GLI3: variants seen among roughly 807,000 people sequenced by gnomAD.
GLI3 encodes the protein GLI family zinc finger 3.
A neutral mutation model predicts 100.8 loss-of-function variants in GLI3; 20 were observed. The observed-to-expected ratio is 0.20, with a 90% CI of 0.14 to 0.29. The LOEUF is 0.29. Among genes scored for constraint, GLI3 ranks in the 10% least tolerant of loss-of-function variants. The pLI is 1.00. For missense variants in GLI3, 2,040 were observed against 2,128.5 expected, an observed-to-expected ratio of 0.96 and a Z score of 0.82; for synonymous variants, 938 against 860.5, an observed-to-expected ratio of 1.09 and a Z score of -1.58.
chr7:42,140,177 G>A (rs544431265), intron 3 of GLI3, among the ~76,000 whole-genome samples: 1 of 152,278 alleles, frequency 6.6e-6, no homozygotes, highest in African/African-American at 2.4e-5. Context: ...GACTGCCAAG[G>A]CTGGGTAAGT....
At chr7:42,259,531 T>C (rs922546769) in intron 1 of GLI3, among the ~76,000 whole-genome samples, 3 of 152,246 alleles carry the variant, frequency 2.0e-5, no homozygotes, top group African/African-American at 4.8e-5. Flanking sequence ...CATAAAGCAC[T>C]AGTACAGTGC....
intron 2 of GLI3, among the ~76,000 whole-genome samples, chr7:42,179,705 G>T (rs1325095253): frequency 1.3e-5 from 2 of 152,072 alleles, no homozygotes; most frequent in Non-Finnish European, 2.9e-5. Flanking sequence ...AAGGGGGTAT[G>T]GGTGTGTGTA....
chr7:42,185,642 G>A (rs1787703242), intron 2 of GLI3, among the ~76,000 whole-genome samples: 2 of 152,182 alleles, frequency 1.3e-5, no homozygotes, highest in Admixed American at 1.3e-4. Flanking sequence ...AGCTTCCCTT[G>A]TGCACTCCTA....
rs776751129 is a variant in GLI3, at chr7:41,964,545, T to C, written c.4528A>G (p.Ile1510Val). The C allele has an allele frequency of 3.1e-6, 5 of 1,613,468 alleles. No homozygotes were observed. In the South Asian group the frequency reaches 3.3e-5, roughly 11 times the overall value. Residue 1510 changes from isoleucine (I) to valine (V), a missense_variant, in exon 15 of 15, where the codon ATA becomes GTA. By Grantham distance (29) the Ile-to-Val change is conservative. Around this residue, in one of 5 missense-constraint regions of GLI3, gnomAD observed 1,041 missense variants for 924.0 expected, o/e 1.13. Transcript: ENST00000395925. ...AGGCTGGAGTGGTCCCCATCGTCTA[T>C]GATGGCATCGAAGTCAATCTGTACC... ...EGVQIDFDAI[I>V]DDGDHSSLMS...
chr7:42,086,628 G>A (rs1393698941), intron 3 of GLI3, among the ~76,000 whole-genome samples: 1 of 151,926 alleles, frequency 6.6e-6, no homozygotes, highest in African/African-American at 2.4e-5. Context: ...TGTCCCCTCA[G>A]TTGAGGACAA....
chr7:42,149,364 G>T (rs980946248), intron 2 of GLI3, among the ~76,000 whole-genome samples: 2 of 152,150 alleles, frequency 1.3e-5, no homozygotes, highest in Non-Finnish European at 2.9e-5. Flanking sequence ...AGTTCCCTTC[G>T]ATCAGTAAGA....
chr7:42,223,388 C>T, intron 1 of GLI3, 93 bp from the exon 2 acceptor site: 1 of 716,374 alleles, frequency 1.4e-6, no homozygotes, highest in Non-Finnish European at 2.3e-6. Flanking sequence ...CTGAGAAAAG[C>T]CTAGAGCTTT....
intron 10 of GLI3, among the ~76,000 whole-genome samples, chr7:42,018,437 A>G (rs1788831995): frequency 1.3e-5 from 2 of 152,210 alleles, no homozygotes; most frequent in Admixed American, 6.5e-5. Context: ...AAGGATAGAC[A>G]ATGCAACTTT....
intron 2 of GLI3, among the ~76,000 whole-genome samples, chr7:42,154,257 G>T (rs1221885187): frequency 6.6e-6 from 1 of 152,028 alleles, no homozygotes; most frequent in Non-Finnish European, 1.5e-5. Context: ...TGGAGGACCC[G>T]CACAGGTGCA....
At chr7:42,165,030 T>C (rs982683387) in intron 2 of GLI3, among the ~76,000 whole-genome samples, 2 of 151,710 alleles carry the variant, frequency 1.3e-5, no homozygotes, top group African/African-American at 4.8e-5. Context: ...ATTCCAGCAC[T>C]TTGGGAGGCC....
At chr7:42,014,496 C>T (rs1176748780) in intron 10 of GLI3, among the ~76,000 whole-genome samples, 1 of 152,230 alleles carries the variant, frequency 6.6e-6, no homozygotes, top group Non-Finnish European at 1.5e-5. Context: ...CCCATACTTT[C>T]TGTACCCTTT....
intron 2 of GLI3, among the ~76,000 whole-genome samples, chr7:42,209,007 C>G (rs117642562): frequency 1.1e-4 from 17 of 152,052 alleles, no homozygotes. Flanking sequence ...TGAATTTGTA[C>G]CTGAAACTTT....
Position 42,258,645 on chromosome 7 carries a change from T to C in GLI3, c.-43+5349A>G, listed in dbSNP as rs1409714361. On this transcript the variant is annotated intron_variant, in intron 1 of 2. Transcript: ENST00000678978. ...TTCTCCAGCTCTGGAGGCTGAGAAG[T>C]CCAAGAGCAAGGTGCCACAATGACT... Among the ~76,000 whole-genome samples, 3 of 152,324 alleles carry C rather than the reference T, an allele frequency of 2.0e-5. No individual in the cohort carries two copies. The East Asian group carries it at 5.8e-4, about 29-fold the overall frequency.
intron 3 of GLI3, among the ~76,000 whole-genome samples, chr7:42,091,525 C>T (rs888671461): frequency 2.6e-5 from 4 of 152,260 alleles, no homozygotes; most frequent in African/African-American, 7.2e-5. Flanking sequence ...CTGGGGCCTG[C>T]GCACACTGTG....
intron 10 of GLI3, among the ~76,000 whole-genome samples, chr7:41,985,944 T>A (rs1196883190): frequency 6.6e-6 from 1 of 152,222 alleles, no homozygotes. Flanking sequence ...ACAGATTATT[T>A]AAAAACCTGA....
rs77538430 is a variant in GLI3, at chr7:41,989,526, T to C, written c.1498-10778A>G. Among the ~76,000 whole-genome samples the C allele has an allele frequency of 7.0e-3, 1,060 of 152,310 alleles. 8 individuals are homozygous for C. The highest frequency in any genetic ancestry group is 0.02 in the Middle Eastern group (6 of 294). On this transcript the variant is annotated intron_variant, in intron 10 of 14. Coordinates refer to ENST00000395925, the MANE Select transcript of GLI3 (RefSeq NM_000168.6). ...AATTTGTCACTCTTATGCACGATCA[T>C]TCCTACAAGTCCAGCATACGGAGAA...
intron 4 of GLI3, among the ~76,000 whole-genome samples, chr7:42,071,432 C>T (rs953765152): frequency 1.3e-5 from 2 of 152,092 alleles, no homozygotes; most frequent in Non-Finnish European, 2.9e-5. Flanking sequence ...TAAGGTTTTA[C>T]TAAATCTCCA....
At chr7:42,239,804 AATGGTAAACCCATACAT>A (rs1343385641), upstream of GLI3, among the ~76,000 whole-genome samples, 1 of 152,232 alleles carries the variant, frequency 6.6e-6, no homozygotes, top group East Asian at 1.9e-4. Flanking sequence ...ACTCTGCTTT[AATGGTAAACCCATACAT>A]ATAAGTAGGC....
At chr7:42,105,153 G>T (rs904071304) in intron 3 of GLI3, among the ~76,000 whole-genome samples, 2 of 152,152 alleles carry the variant, frequency 1.3e-5, no homozygotes, top group Non-Finnish European at 2.9e-5. Flanking sequence ...TCCTGAAGCC[G>T]TGTGTTTCTA....
Sources: gnomAD v4.1 joint callset for allele counts (sites outside exome capture counted in the v4.1 genomes callset) on GRCh38, gnomAD v4.1.1 for gene constraint, gnomAD v4.1.1 regional missense constraint, MANE v1.5 for transcripts, NCBI Gene and HGNC (gene_info 2026-07-23, HGNC 2026-07-21) for gene names.